Variants in ART1 observed in about 807,000 individuals in gnomAD.
ART1 encodes the protein GPI-linked NAD(P)(+)--arginine ADP-ribosyltransferase 1.
In ART1, 29 loss-of-function variants were observed where a neutral mutation model predicts 27.0. The ratio of observed to expected loss-of-function variants is 1.08; its 90% confidence interval spans 0.80 to 1.47. The LOEUF (loss-of-function observed/expected upper bound fraction) is 1.47, where lower values mean the gene tolerates loss of function less well. Ranked by LOEUF, ART1 falls within the 40% of genes most tolerant of loss-of-function variation. The probability of loss-of-function intolerance (pLI) is 0.00; values close to 1 mark genes in which losing one functional copy is unlikely to be tolerated. For synonymous variants in ART1, 201 were observed against 172.2 expected (o/e 1.17, Z -1.31); for missense variants, 480 against 423.0 (o/e 1.13, Z -1.18).
intron 1 of ART1, among the ~76,000 whole-genome samples, chr11:3,653,679 C>T (rs891279600): frequency 6.6e-6 from 1 of 152,134 alleles, no homozygotes; most frequent in Admixed American, 6.5e-5. Flanking sequence ...TCCGCTTCTC[C>T]TCTGTGTTTC....
intron 1 of ART1, among the ~76,000 whole-genome samples, chr11:3,646,801 C>T (rs1474972906): frequency 6.6e-6 from 1 of 152,124 alleles, no homozygotes; most frequent in African/African-American, 2.4e-5. Flanking sequence ...GTGAACTCAC[C>T]ATTTCCCCTC....
chr11:3,657,382 C>A (rs114155581), intron 1 of ART1, among the ~76,000 whole-genome samples: 3,437 of 152,272 alleles, frequency 0.023, 129 homozygotes, highest in African/African-American at 0.077. Flanking sequence ...CGAGATCAGC[C>A]TGGGCAACAC....
chr11:3,658,682 C>A (rs1158282398), intron 1 of ART1, among the ~76,000 whole-genome samples: 5 of 152,132 alleles, frequency 3.3e-5, no homozygotes, highest in Non-Finnish European at 5.9e-5. Flanking sequence ...AAGGCCCCAC[C>A]AGCTGAACAC....
intron 1 of ART1, among the ~76,000 whole-genome samples, chr11:3,657,790 G>A (rs1373036211): frequency 3.9e-5 from 6 of 152,116 alleles, no homozygotes; most frequent in Non-Finnish European, 7.4e-5. Context: ...CACACACATA[G>A]AGAAGGATTT....
intron 1 of ART1, among the ~76,000 whole-genome samples, chr11:3,655,124 A>T (rs1018290450): frequency 6.6e-6 from 1 of 152,188 alleles, no homozygotes; most frequent in Non-Finnish European, 1.5e-5. Context: ...GGTCTGGCTC[A>T]GCTGGGGTCT....
chr11:3,655,018 GCAAA>G (rs1312820087), intron 1 of ART1, among the ~76,000 whole-genome samples: 5 of 152,230 alleles, frequency 3.3e-5, no homozygotes, highest in African/African-American at 9.6e-5. Context: ...AATCTCAGTG[GCAAA>G]CAAACATTTA....
rs141566136 is a variant in ART1, at chr11:3,663,891, C to G, written c.887-201C>G. On this transcript the variant is annotated intron_variant, in intron 4 of 4. Transcript: ENST00000250693. ...CACTGGTGTTAATAAGTTCTGATAA[C>G]CCATTACCATTGGACCAGCTCCTCC... 3.7e-4 allele frequency: 209 copies of G among 562,068 alleles called. 1 individual carries two copies. Among genetic ancestry groups the G allele is most frequent in the African/African-American group, 3.5e-3 (186 of 52,840 alleles). The allele number at this position is 562,068 out of a possible 1,614,324, so 34.8% of individuals were successfully genotyped here.
At chr11:3,659,051 T>G (rs1441738712) in intron 1 of ART1, 111 bp from the exon 2 acceptor site, 10 of 665,772 alleles carry the variant, frequency 1.5e-5, no homozygotes, top group Admixed American at 2.6e-5. Flanking sequence ...CTCTCTCTTC[T>G]GAGCCTCCAT....
chr11:3,660,036 C>G lies in ART1; in HGVS notation c.517C>G (p.Arg173Gly). ...CCTGGGCAGCGGCCAGCGTCCACCC[C>G]GGTGCCACCAGGTGTTCCGAGGTGT... ...QLLGSGQRPP[R>G]CHQVFRGVHG... The change falls in exon 3 of 5, where the codon CGG (arginine) becomes GGG (glycine). Residue 173 changes from arginine (R) to glycine (G), a missense_variant. By Grantham distance (125) the Arg-to-Gly change is moderately radical. Coordinates refer to ENST00000250693, the MANE Select transcript of ART1 (RefSeq NM_004314.3). The G allele has an allele frequency of 6.2e-7, 1 of 1,613,770 alleles. No individual in the cohort carries two copies. The highest frequency in any genetic ancestry group is 1.7e-4 in the Middle Eastern group (1 of 6,060).
At position 3,659,793 on chromosome 11, in the gene ART1, AG is replaced by A. The variant is rs779025690; in HGVS notation, c.276del (p.Arg92SerfsTer67). 1.9e-6 allele frequency: 3 copies of A among 1,613,062 alleles called. No homozygotes were observed. The Admixed American group carries it at 5.0e-5, about 27-fold the overall frequency. ...CAGCCAATGGCAGGAGCGTCAGGCCAGGTGGCCAGAGTGGAGTCTCAGCCCC... is the reference window on the plus strand; with the variant it reads ...CAGCCAATGGCAGGAGCGTCAGGCCAGTGGCCAGAGTGGAGTCTCAGCCCC... ...ASSQWQERQA[R>X]WPEWSLSPTR... On this transcript the variant is annotated frameshift_variant, in exon 3 of 5. Coordinates refer to ENST00000250693, the MANE Select transcript of ART1 (RefSeq NM_004314.3). LOFTEE classifies it high-confidence loss of function.
intron 1 of ART1, among the ~76,000 whole-genome samples, chr11:3,656,377 TA>T (rs1365859210): frequency 1.6e-5 from 2 of 124,582 alleles, no homozygotes; most frequent in Non-Finnish European, 3.8e-5. Context: ...TTTATTTATT[TA>T]TTTATTTATT....
intron 1 of ART1, among the ~76,000 whole-genome samples, chr11:3,653,294 G>T (rs2077541350): frequency 6.7e-6 from 1 of 148,578 alleles, no homozygotes; most frequent in Admixed American, 6.6e-5. Flanking sequence ...CATCCAGATG[G>T]CCGGTTCCTG....
Position 3,664,264 on chromosome 11 carries a change from T to A in ART1, c.*75T>A. The stretch of plus-strand genomic sequence containing the variant: ...ATGTTGGCCATGTGTGCTTTCAGTG[T>A]AACCAAGATTCCTGTCAATCCCATC... On this transcript the variant is annotated 3_prime_UTR_variant, in exon 5 of 5. Coordinates refer to ENST00000250693, the MANE Select transcript of ART1 (RefSeq NM_004314.3). 1 of 1,407,216 alleles carries A rather than the reference T, an allele frequency of 7.1e-7. No homozygotes were observed. The highest frequency in any genetic ancestry group is 1.0e-6 in the Non-Finnish European group (1 of 1,004,938). The allele number at this position is 1,407,216 out of a possible 1,614,324, so 87.2% of individuals were successfully genotyped here. A position where few individuals can be genotyped will look rare whatever the true frequency, so the allele number is the denominator to read the frequency against.
At chr11:3,650,620 CCAACT>C (rs2077513482) in intron 1 of ART1, among the ~76,000 whole-genome samples, 1 of 152,096 alleles carries the variant, frequency 6.6e-6, no homozygotes, top group African/African-American at 2.4e-5. Flanking sequence ...TTAAAACTCC[CCAACT>C]CTAGTGCCAA....
At chr11:3,649,322 G>C (rs908251540) in intron 1 of ART1, among the ~76,000 whole-genome samples, 1 of 152,208 alleles carries the variant, frequency 6.6e-6, no homozygotes, top group Non-Finnish European at 1.5e-5. Flanking sequence ...CAAATAGCCA[G>C]AAAACGGCAC....
At chr11:3,660,733 C>T (rs1254679652) in intron 3 of ART1, among the ~76,000 whole-genome samples, 2 of 152,186 alleles carry the variant, frequency 1.3e-5, no homozygotes, top group Non-Finnish European at 2.9e-5. Flanking sequence ...ATAGCTGTTG[C>T]CAGAAATGAG....
In ART1 at chr11:3,660,266, C is replaced by T. The variant is rs754603309; in HGVS notation, c.747C>T (p.Phe249=). The T allele has an allele frequency of 6.2e-7, 1 of 1,613,036 alleles. No individual in the cohort carries two copies. The highest frequency in any genetic ancestry group is 8.5e-7 in the Non-Finnish European group (1 of 1,180,014). The change falls in exon 3 of 5, where the codon TTC becomes TTT. Residue 249 remains phenylalanine (F), a synonymous_variant. Transcript: ENST00000250693. ...EEVLIPPFET[F]QVINASRLAQ... The stretch of plus-strand genomic sequence containing the variant: ...TGCTGATCCCCCCCTTTGAGACCTT[C>T]CAAGTGATCAATGCCAGCAGACTGG...
chr11:3,653,129 C>T (rs1443954166), intron 1 of ART1, among the ~76,000 whole-genome samples: 4 of 148,394 alleles, frequency 2.7e-5, no homozygotes, highest in Non-Finnish European at 5.9e-5. Flanking sequence ...TGAGAAACAT[C>T]GCCCATTATC....
chr11:3,652,413 C>G (rs748593740), intron 1 of ART1, among the ~76,000 whole-genome samples: 2 of 149,354 alleles, frequency 1.3e-5, no homozygotes, highest in African/African-American at 5.1e-5. Flanking sequence ...CTTTATATCC[C>G]TTACGGTCCT....
Sources: allele counts gnomAD v4.1 joint callset (sites outside exome capture counted in the v4.1 genomes callset), GRCh38; gene constraint gnomAD v4.1.1; transcripts MANE v1.5; gene names NCBI Gene and HGNC (gene_info 2026-07-23, HGNC 2026-07-21).